The following CSMD1 variants were observed in gnomAD, a reference collection of about 807,000 sequenced individuals.
The protein encoded by CSMD1 is CUB and sushi domain-containing protein 1.
A neutral mutation model predicts 417.5 loss-of-function variants in CSMD1; 213 were observed. The observed-to-expected ratio is 0.51, with a 90% CI of 0.46 to 0.57. The LOEUF is 0.57. CSMD1 is among the 20% of genes least tolerant of loss of function. The pLI is 0.00. For missense variants in CSMD1, 6,923 were observed against 4,529.7 expected (o/e 1.53, Z -15.17); for synonymous variants, 2,862 against 1,736.8 (o/e 1.65, Z -16.11).
At chr8:4,637,608 A>G in intron 1 of CSMD1, 50 bp from the exon 2 acceptor site, 1 of 1,164,252 alleles carries the variant, frequency 8.6e-7, no homozygotes, top group Non-Finnish European at 1.2e-6. Flanking sequence ...GCCATCTTTA[A>G]TCTGTGATTT....
chr8:4,594,946 T>A (rs1243467303), intron 2 of CSMD1, among the ~76,000 whole-genome samples: 2 of 152,214 alleles, frequency 1.3e-5, no homozygotes, highest in African/African-American at 4.8e-5. Context: ...TATAATTCAG[T>A]AGTTGAATGT....
chr8:3,042,433 A>G (rs1811164243), intron 50 of CSMD1, among the ~76,000 whole-genome samples: 1 of 152,124 alleles, frequency 6.6e-6, no homozygotes, highest in Non-Finnish European at 1.5e-5. Flanking sequence ...TATTTTCTAA[A>G]TGTATTTATC....
At chr8:3,875,962 C>T (rs10216798) in intron 5 of CSMD1, among the ~76,000 whole-genome samples, 38,847 of 152,008 alleles carry the variant, frequency 0.26, 6,108 homozygotes, top group African/African-American at 0.45. Flanking sequence ...TATGGAGTAA[C>T]TGTAAAATTG....
intron 1 of CSMD1, among the ~76,000 whole-genome samples, chr8:4,846,712 A>T (rs1801167881): frequency 6.6e-6 from 1 of 152,226 alleles, no homozygotes; most frequent in Non-Finnish European, 1.5e-5. Context: ...CCCATTTTAG[A>T]TTAAAATCTT....
chr8:4,008,556 A>C (rs945649596), intron 4 of CSMD1, among the ~76,000 whole-genome samples: 4 of 149,772 alleles, frequency 2.7e-5, no homozygotes, highest in African/African-American at 9.8e-5. Context: ...TTGATTGTTA[A>C]AGTTAGCACA....
intron 10 of CSMD1, among the ~76,000 whole-genome samples, chr8:3,536,468 GT>G (rs1798204326): frequency 6.6e-6 from 1 of 152,296 alleles, no homozygotes; most frequent in African/African-American, 2.4e-5. Context: ...GTTGGGCCAG[GT>G]TTCCTCTTTG....
intron 1 of CSMD1, among the ~76,000 whole-genome samples, chr8:4,838,484 C>A (rs765733474): frequency 4.6e-5 from 7 of 152,214 alleles, no homozygotes; most frequent in Non-Finnish European, 1.0e-4. Context: ...ATGCTTCAAA[C>A]AAATGTGATT....
intron 41 of CSMD1, chr8:3,128,155 A>C (rs988787079): frequency 1.3e-5 from 2 of 152,214 alleles, no homozygotes; most frequent in African/African-American, 4.8e-5. Context: ...ATCTTTTATA[A>C]AGGAATCCTT....
chr8:4,672,802 A>G (rs762303146), intron 1 of CSMD1, among the ~76,000 whole-genome samples: 14 of 152,196 alleles, frequency 9.2e-5, no homozygotes, highest in Non-Finnish European at 1.6e-4. Flanking sequence ...TTACACTCAC[A>G]TGCATGGTAA....
chr8:3,438,666 T>C (rs1016125472), intron 12 of CSMD1, among the ~76,000 whole-genome samples: 3 of 152,218 alleles, frequency 2.0e-5, no homozygotes, highest in African/African-American at 7.2e-5. Context: ...ATTTGGGTGA[T>C]TTCCTGTCTT....
intron 5 of CSMD1, among the ~76,000 whole-genome samples, chr8:3,859,237 G>C (rs948447756): frequency 6.6e-6 from 1 of 152,178 alleles, no homozygotes; most frequent in Non-Finnish European, 1.5e-5. Context: ...AACTTCTCAA[G>C]TGAACGCCAT....
chr8:4,192,519 C>A (rs1243920407), intron 3 of CSMD1, among the ~76,000 whole-genome samples: 1 of 151,524 alleles, frequency 6.6e-6, no homozygotes, highest in East Asian at 1.9e-4. Context: ...GACAATACCC[C>A]CTGACCTTTC....
At chr8:3,629,245 G>C (rs923182134) in intron 7 of CSMD1, among the ~76,000 whole-genome samples, 3 of 152,120 alleles carry the variant, frequency 2.0e-5, no homozygotes, top group Admixed American at 1.3e-4. Flanking sequence ...CTGAGGCAAA[G>C]GTCAAACCAT....
At chr8:3,432,507 G>A (rs1300157107) in intron 12 of CSMD1, among the ~76,000 whole-genome samples, 1 of 130,054 alleles carries the variant, frequency 7.7e-6, no homozygotes, top group African/African-American at 2.8e-5. Flanking sequence ...TTCAATATGG[G>A]CTTTTTTTTT....
intron 3 of CSMD1, among the ~76,000 whole-genome samples, chr8:4,313,567 G>C (rs906027910): frequency 6.6e-6 from 1 of 151,728 alleles, no homozygotes; most frequent in Admixed American, 6.6e-5. Flanking sequence ...TTATGGGAGG[G>C]AAAGAAGAAT....
chr8:4,813,547 C>T (rs1799031856), intron 1 of CSMD1, among the ~76,000 whole-genome samples: 1 of 152,176 alleles, frequency 6.6e-6, no homozygotes, highest in Non-Finnish European at 1.5e-5. Context: ...AATGTGTTAA[C>T]TCTTTCCAGA....
intron 1 of CSMD1, among the ~76,000 whole-genome samples, chr8:4,644,730 A>G (rs970848208): frequency 5.9e-5 from 9 of 152,242 alleles, no homozygotes; most frequent in Admixed American, 4.6e-4. Flanking sequence ...GTATTCCCTT[A>G]TAGCATTTAT....
intron 5 of CSMD1, among the ~76,000 whole-genome samples, chr8:3,870,462 A>C (rs987894541): frequency 4.6e-5 from 7 of 152,120 alleles, no homozygotes; most frequent in African/African-American, 1.7e-4. Context: ...TATTTCTCTC[A>C]AAGAAATTAT....
chr8:3,966,662 G>A (rs1335396873), intron 5 of CSMD1, among the ~76,000 whole-genome samples: 2 of 151,994 alleles, frequency 1.3e-5, no homozygotes. Context: ...AAGACCATGT[G>A]CTGTGTTTCA....
Sources: gnomAD v4.1 joint callset for allele counts (sites outside exome capture counted in the v4.1 genomes callset) on GRCh38, gnomAD v4.1.1 for gene constraint, MANE v1.5 for transcripts, NCBI Gene and HGNC (gene_info 2026-07-23, HGNC 2026-07-21) for gene names.